Variants in NTM observed in about 807,000 individuals in gnomAD.
NTM encodes the protein neurotrimin, also known as IgLON family member 2.
A neutral mutation model predicts 42.1 loss-of-function variants in NTM; 13 were observed. That is an observed-to-expected ratio of 0.31 (90% CI 0.20 to 0.49). The LOEUF is 0.49. Among genes scored for constraint, NTM ranks in the 20% least tolerant of loss-of-function variants. The pLI is 0.99. For missense variants in NTM, 373 were observed against 452.8 expected (o/e 0.82, Z 1.60); for synonymous variants, 187 against 179.2 (o/e 1.04, Z -0.35).
intron 4 of NTM, among the ~76,000 whole-genome samples, chr11:132,231,666 G>A (rs374203383): frequency 5.2e-4 from 79 of 152,126 alleles, no homozygotes; most frequent in Admixed American, 9.2e-4. Context: ...TATGTTTTTC[G>A]TCATTGCTGG....
chr11:131,680,492 G>A (rs539638011), intron 1 of NTM, among the ~76,000 whole-genome samples: 16 of 80,944 alleles, frequency 2.0e-4, no homozygotes, highest in African/African-American at 7.1e-4. Context: ...CGTCTGTGTA[G>A]GCATGTGTGC....
chr11:131,596,204 G>A (rs2059797890), intron 1 of NTM, among the ~76,000 whole-genome samples: 1 of 152,202 alleles, frequency 6.6e-6, no homozygotes, highest in Non-Finnish European at 1.5e-5. Flanking sequence ...AGGAAACCTT[G>A]ATCTGGATGC....
intron 1 of NTM, among the ~76,000 whole-genome samples, chr11:131,468,660 G>A (rs1264204939): frequency 6.6e-6 from 1 of 152,174 alleles, no homozygotes; most frequent in East Asian, 1.9e-4. Flanking sequence ...TGAATAAATA[G>A]AGAAGCTTAT....
At chr11:132,078,572 T>C (rs922051573) in intron 2 of NTM, among the ~76,000 whole-genome samples, 7 of 152,338 alleles carry the variant, frequency 4.6e-5, no homozygotes, top group African/African-American at 1.7e-4. Flanking sequence ...CTAAGAGACA[T>C]GAAAGAAAGC....
chr11:131,881,469 C>T (rs528975135), intron 1 of NTM, among the ~76,000 whole-genome samples: 1 of 121,722 alleles, frequency 8.2e-6, no homozygotes, highest in East Asian at 2.9e-4. Context: ...TAATTGTGAG[C>T]TCTCAGTTAC....
intron 3 of NTM, among the ~76,000 whole-genome samples, chr11:132,198,498 C>T (rs185698343): frequency 2.0e-5 from 3 of 152,230 alleles, no homozygotes; most frequent in Non-Finnish European, 4.4e-5. Flanking sequence ...ACTGCACCTG[C>T]GCTTATAAAT....
chr11:131,611,015 T>C (rs1277541299), intron 1 of NTM, among the ~76,000 whole-genome samples: 1 of 151,980 alleles, frequency 6.6e-6, no homozygotes, highest in African/African-American at 2.4e-5. Flanking sequence ...ATGTAAATAA[T>C]GGGATGGGAG....
chr11:132,154,761 A>C (rs2072799036), intron 3 of NTM, among the ~76,000 whole-genome samples: 1 of 152,156 alleles, frequency 6.6e-6, no homozygotes, highest in South Asian at 2.1e-4. Flanking sequence ...CACCACTTGG[A>C]GTGTATGTTA....
chr11:132,231,337 T>A (rs749707341), intron 4 of NTM, among the ~76,000 whole-genome samples: 5 of 152,232 alleles, frequency 3.3e-5, no homozygotes, highest in Non-Finnish European at 7.3e-5. Flanking sequence ...TCCCCTCAAG[T>A]GAAATCCATA....
chr11:131,623,158 G>C (rs2062752280), intron 1 of NTM, among the ~76,000 whole-genome samples: 1 of 152,178 alleles, frequency 6.6e-6, no homozygotes, highest in Non-Finnish European at 1.5e-5. Flanking sequence ...TTAAGTGGCA[G>C]TGTGGGTGTG....
chr11:131,585,433 T>G (rs2058769967), intron 1 of NTM, among the ~76,000 whole-genome samples: 1 of 152,144 alleles, frequency 6.6e-6, no homozygotes, highest in African/African-American at 2.4e-5. Context: ...CCTTTGGGGC[T>G]TGGTTCCTGC....
intron 2 of NTM, among the ~76,000 whole-genome samples, chr11:132,092,865 AAAACTAAACATTTC>A (rs2136430716): frequency 6.6e-6 from 1 of 152,264 alleles, no homozygotes; most frequent in African/African-American, 2.4e-5. Flanking sequence ...AATCTGTCTG[AAAACTAAACATTTC>A]TTTCCATCCC....
intron 1 of NTM, among the ~76,000 whole-genome samples, chr11:131,598,685 T>TTCTTTCTTTCTTTCTTTC (rs1565684833): frequency 0.1 from 2,383 of 23,180 alleles, 748 homozygotes; most frequent in East Asian, 0.36. Flanking sequence ...CTCATTTGTT[T>TTCTTTCTTTCTTTCTTTC]TCTTTCTTTC....
At chr11:131,781,907 A>G (rs2088212156) in intron 1 of NTM, among the ~76,000 whole-genome samples, 1 of 152,194 alleles carries the variant, frequency 6.6e-6, no homozygotes, top group Non-Finnish European at 1.5e-5. Flanking sequence ...GACTACAAAA[A>G]TTGACACAGA....
At chr11:131,564,858 TACAC>T (rs959981865) in intron 1 of NTM, among the ~76,000 whole-genome samples, 13 of 149,496 alleles carry the variant, frequency 8.7e-5, no homozygotes, top group African/African-American at 3.3e-4. Flanking sequence ...TGCACACACA[TACAC>T]ACACATACAC....
rs567015963 is a variant in NTM at position 132,118,245 on chromosome 11, A to G, written c.168-28037A>G. On this transcript the variant is annotated intron_variant, in intron 2 of 8. Coordinates refer to ENST00000683400, the MANE Select transcript of NTM (RefSeq NM_001352005.2). Reference sequence around the variant, plus strand: ...TAAAACTGAAAGACCAGCTGATTCCAAAGTCCCTGAGTATTATTAATTACC... The same window carrying G: ...TAAAACTGAAAGACCAGCTGATTCCGAAGTCCCTGAGTATTATTAATTACC... Among the ~76,000 whole-genome samples, 15 of 152,250 alleles carry G rather than the reference A, an allele frequency of 9.9e-5. No individual in the cohort carries two copies. The East Asian group carries it at 1.2e-3, about 12-fold the overall frequency.
chr11:131,830,421 T>A (rs2042671918), intron 1 of NTM, among the ~76,000 whole-genome samples: 1 of 152,140 alleles, frequency 6.6e-6, no homozygotes, highest in Non-Finnish European at 1.5e-5. Context: ...TTATTAATAG[T>A]GAGTCCTTTC....
At chr11:131,754,199 G>C (rs2082986961) in intron 1 of NTM, among the ~76,000 whole-genome samples, 1 of 150,716 alleles carries the variant, frequency 6.6e-6, no homozygotes, top group African/African-American at 2.4e-5. Flanking sequence ...GAGTTACTGG[G>C]TGCAGCACAC....
rs911042938 is a variant in NTM at position 131,861,364 on chromosome 11, T to C, written c.83-50200T>C. ...CGTAATCCCCCAGCAGTGAGGGGCT[T>C]GGGTGGCCCCTCCCCCTCCCTGGGA... On this transcript the variant is annotated intron_variant, in intron 1 of 8. Transcript: ENST00000683400. 2.0e-5 allele frequency among the ~76,000 whole-genome samples: 3 copies of C among 152,166 alleles called. No homozygotes were observed. In the South Asian group the frequency reaches 6.2e-4, roughly 32 times the overall value.
Sources: allele counts gnomAD v4.1 joint callset (sites outside exome capture counted in the v4.1 genomes callset), GRCh38; gene constraint gnomAD v4.1.1; transcripts MANE v1.5; gene names NCBI Gene and HGNC (gene_info 2026-07-23, HGNC 2026-07-21).